PLA2G6: variants seen among roughly 807,000 people sequenced by gnomAD.
The protein encoded by PLA2G6 is phospholipase A2 group VI, also known as 85/88 kDa calcium-independent phospholipase A2.
PLA2G6 carries 62 observed loss-of-function variants against 83.8 expected under a neutral mutation model. That is an observed-to-expected ratio of 0.74 (90% CI 0.60 to 0.91). The LOEUF (loss-of-function observed/expected upper bound fraction) is 0.91, where lower values mean the gene tolerates loss of function less well. PLA2G6 is among the 40% of genes least tolerant of loss of function. The pLI is 0.00. For missense variants in PLA2G6, 944 were observed against 1,102.0 expected (o/e 0.86, Z 2.03); for synonymous variants, 417 against 449.8 (o/e 0.93, Z 0.92).
chr22:38,134,719 C>A, intron 6 of PLA2G6: 1 of 496,538 alleles, frequency 2.0e-6, no homozygotes, highest in Non-Finnish European at 3.6e-6. Flanking sequence ...TTTTGTCACA[C>A]ACTGCCTTGC....
intron 9 of PLA2G6, 100 bp from the exon 10 acceptor site, chr22:38,126,549 G>A: frequency 2.4e-6 from 2 of 824,960 alleles, no homozygotes; most frequent in South Asian, 1.4e-5. Context: ...CTCGCCCACG[G>A]CCACGCCCTC....
intron 3 of PLA2G6, chr22:38,143,542 G>C (rs987407375): frequency 1.7e-6 from 1 of 590,886 alleles, no homozygotes; most frequent in Non-Finnish European, 3.1e-6. Context: ...AGCAGGAAGT[G>C]GGCAGGGTGG....
At chr22:38,142,456 T>C (rs2088973604) in intron 4 of PLA2G6, 1 of 156,106 alleles carries the variant, frequency 6.4e-6, no homozygotes, top group Non-Finnish European at 1.4e-5. Flanking sequence ...GGAGGGCCTC[T>C]GGCACAAATG....
intron 4 of PLA2G6, chr22:38,142,291 A>T (rs989632314): frequency 1.3e-5 from 2 of 152,136 alleles, no homozygotes; most frequent in Non-Finnish European, 2.9e-5. Context: ...GATCTTTAGA[A>T]GAATTTTCTA....
At position 38,112,726 on chromosome 22, in the gene PLA2G6, G is replaced by A. The variant is rs924565808; in HGVS notation, c.2203-149C>T. 4.2e-4 allele frequency: 293 copies of A among 702,066 alleles called. 2 individuals are homozygous for A. In the African/African-American group the frequency reaches 4.7e-3, roughly 11 times the overall value. The allele number at this position is 702,066 out of a possible 1,614,324, so 43.5% of individuals were successfully genotyped here. A position where few individuals can be genotyped will look rare whatever the true frequency, so the allele number is the denominator to read the frequency against. On this transcript the variant is annotated intron_variant, in intron 15 of 16. Coordinates refer to ENST00000332509, the MANE Select transcript of PLA2G6 (RefSeq NM_003560.4). ...GAGCCACACAGCAGCAGAGCGGCTC[G>A]GGCAAAACCCCTTCCTGGGACTGCA...
intron 2 of PLA2G6, among the ~76,000 whole-genome samples, chr22:38,155,908 C>T (rs2089759691): frequency 6.6e-6 from 1 of 152,054 alleles, no homozygotes; most frequent in Non-Finnish European, 1.5e-5. Context: ...AAAACAAGAC[C>T]CAGTGATCTG....
intron 2 of PLA2G6, chr22:38,147,347 T>C (rs16998769): frequency 0.019 from 3,182 of 169,152 alleles, 111 homozygotes; most frequent in African/African-American, 0.072. Flanking sequence ...TTGTCTTGCA[T>C]ACCTCTACAA....
chr22:38,127,475 T>G (rs1212200509), intron 9 of PLA2G6: 3 of 1,319,804 alleles, frequency 2.3e-6, no homozygotes, highest in Non-Finnish European at 3.0e-6. Flanking sequence ...AATTGAGAGA[T>G]AAAGATGGGA....
At chr22:38,149,927 T>TC (rs2089475954) in intron 2 of PLA2G6, 1 of 150,482 alleles carries the variant, frequency 6.6e-6, no homozygotes, top group Non-Finnish European at 1.5e-5. Context: ...AGAGTGAAAC[T>TC]CCATCTCTGA....
chr22:38,139,415 T>TTATTTA (rs773858903), intron 5 of PLA2G6: 11 of 147,414 alleles, frequency 7.5e-5, no homozygotes, highest in African/African-American at 2.2e-4. Context: ...ATAAATTTAT[T>TTATTTA]TTTATTTATT....
At chr22:38,117,800 G>A (rs1309338265) in intron 12 of PLA2G6, among the ~76,000 whole-genome samples, 3 of 152,060 alleles carry the variant, frequency 2.0e-5, no homozygotes, top group African/African-American at 4.8e-5. Context: ...CACTTTGGGA[G>A]GCCGAGGTGG....
At chr22:38,159,483 C>T (rs971533684) in intron 2 of PLA2G6, among the ~76,000 whole-genome samples, 2 of 152,106 alleles carry the variant, frequency 1.3e-5, no homozygotes, top group Admixed American at 1.3e-4. Flanking sequence ...AATCCCAGCA[C>T]TTTGGGAGGC....
chr22:38,162,077 G>A (rs1243550728), intron 2 of PLA2G6, among the ~76,000 whole-genome samples: 2 of 151,888 alleles, frequency 1.3e-5, no homozygotes, highest in Non-Finnish European at 2.9e-5. Context: ...GTGTGGTGGC[G>A]GGTGCCTATA....
chr22:38,154,067 C>A (rs2089682095), intron 2 of PLA2G6, among the ~76,000 whole-genome samples: 1 of 152,208 alleles, frequency 6.6e-6, no homozygotes. Context: ...GGGTATCAGC[C>A]AGGCTGTAAT....
At position 38,115,836 on chromosome 22, in the gene PLA2G6, C is replaced by T. The variant is rs2087157520; in HGVS notation, c.1880-155G>A. ...AGCAGGACCCACGAAGCCACACTCT[C>T]TGGCTAGTTCGTCCTGGTGGAAGGC... On this transcript the variant is annotated intron_variant, in intron 13 of 16. Coordinates refer to ENST00000332509, the MANE Select transcript of PLA2G6 (RefSeq NM_003560.4). 2.7e-6 allele frequency: 4 copies of T among 1,474,926 alleles called. No individual in the cohort carries two copies. The Admixed American group carries it at 6.6e-5, about 24-fold the overall frequency. 91.4% of individuals were successfully genotyped at this position (1,474,926 alleles called of 1,614,324 possible).
Position 38,113,470 on chromosome 22 carries a change from G to A in PLA2G6, c.2202+17C>T, listed in dbSNP as rs371771486. 48 of 1,613,170 alleles carry A rather than the reference G, an allele frequency of 3.0e-5. No individual in the cohort carries two copies. The highest frequency in any genetic ancestry group is 3.6e-5 in the Non-Finnish European group (42 of 1,179,392). Reference sequence around the variant, plus strand: ...AGACCCTGAGGGAAGTGGCCTGGGGGAGGGGCCCACACTCACACAGTCCAC... The same window carrying A: ...AGACCCTGAGGGAAGTGGCCTGGGGAAGGGGCCCACACTCACACAGTCCAC... On this transcript the variant is annotated intron_variant, in intron 15 of 16. Transcript: ENST00000332509.
chr22:38,120,942 C>T, intron 11 of PLA2G6, 33 bp from the exon 12 acceptor site: 1 of 1,610,468 alleles, frequency 6.2e-7, no homozygotes, highest in Non-Finnish European at 8.5e-7. Context: ...CGGGGAGATG[C>T]AGCGGCCACA....
At chr22:38,115,435 C>T (rs972556939) in intron 14 of PLA2G6, 92 bp downstream of exon 14, 2 of 1,197,758 alleles carry the variant, frequency 1.7e-6, no homozygotes, top group African/African-American at 1.5e-5. Flanking sequence ...AAGCCACCTG[C>T]TGTCCTGGGG....
At chr22:38,175,936 C>G (rs2090614330) in intron 1 of PLA2G6, among the ~76,000 whole-genome samples, 1 of 152,196 alleles carries the variant, frequency 6.6e-6, no homozygotes, top group African/African-American at 2.4e-5. Flanking sequence ...ATGGGGCCAG[C>G]ACCTCTGAAG....
Sources: allele counts gnomAD v4.1 joint callset (sites outside exome capture counted in the v4.1 genomes callset), GRCh38; gene constraint gnomAD v4.1.1; transcripts MANE v1.5; gene names NCBI Gene and HGNC (gene_info 2026-07-23, HGNC 2026-07-21).